Variants in USH2A observed in about 807,000 individuals in gnomAD.
USH2A encodes usherin.
USH2A carries 443 observed loss-of-function variants against 538.9 expected under a neutral mutation model. The ratio of observed to expected loss-of-function variants is 0.82; its 90% CI spans 0.76 to 0.89. The LOEUF is 0.89. Ranked by LOEUF, USH2A falls within the 40% of genes least tolerant of loss-of-function variation. The probability of loss-of-function intolerance (pLI) is 0.00; values close to 1 mark genes in which losing one functional copy is unlikely to be tolerated. For synonymous variants in USH2A, 2,413 were observed against 2,273.5 expected (o/e 1.06, Z -1.75); for missense variants, 6,633 against 6,324.8 (o/e 1.05, Z -1.65).
intron 47 of USH2A, among the ~76,000 whole-genome samples, chr1:215,836,909 C>T (rs1663549060): frequency 6.6e-6 from 1 of 151,672 alleles, no homozygotes; most frequent in Admixed American, 6.6e-5. Flanking sequence ...ATAAAGGTCT[C>T]TAACGCCCAT....
At chr1:216,058,001 G>A (rs1213092409) in intron 30 of USH2A, among the ~76,000 whole-genome samples, 1 of 152,184 alleles carries the variant, frequency 6.6e-6, no homozygotes. Flanking sequence ...ACCAGAGGTG[G>A]AGGAACAACT....
At chr1:216,401,547 A>G (rs2039304859) in intron 3 of USH2A, among the ~76,000 whole-genome samples, 1 of 152,118 alleles carries the variant, frequency 6.6e-6, no homozygotes, top group South Asian at 2.1e-4. Context: ...AAAATATGCT[A>G]TCTGTACAAC....
intron 32 of USH2A, among the ~76,000 whole-genome samples, chr1:216,026,210 C>T (rs1668960866): frequency 1.3e-5 from 2 of 152,264 alleles, no homozygotes; most frequent in Admixed American, 6.5e-5. Context: ...CAGTTTTCCT[C>T]TCATAGTAAA....
intron 41 of USH2A, among the ~76,000 whole-genome samples, chr1:215,884,055 C>A (rs2102456310): frequency 6.6e-6 from 1 of 152,126 alleles, no homozygotes; most frequent in East Asian, 1.9e-4. Flanking sequence ...ACATCACACA[C>A]TGGGGCCTGT....
chr1:216,379,031 C>A (rs1414336577), intron 3 of USH2A, among the ~76,000 whole-genome samples: 1 of 152,104 alleles, frequency 6.6e-6, no homozygotes, highest in African/African-American at 2.4e-5. Flanking sequence ...CATCCTAGTC[C>A]CATTCACCTG....
intron 37 of USH2A, among the ~76,000 whole-genome samples, chr1:215,964,033 A>T (rs1413895531): frequency 6.6e-6 from 1 of 152,150 alleles, no homozygotes; most frequent in Non-Finnish European, 1.5e-5. Flanking sequence ...GCTTTGCAAC[A>T]TTTAATACCG....
rs137890448 is a variant in USH2A at position 215,682,366 on chromosome 1, G to A, written c.12067-1990C>T. ...CAAAAACATATGTATATTGTCAATA[G>A]CTGCACCTGCTCAATTATAATTTAT... On this transcript the variant is annotated intron_variant, in intron 61 of 71. Transcript: ENST00000307340. 7.2e-5 allele frequency among the ~76,000 whole-genome samples: 11 copies of A among 152,166 alleles called. No homozygotes were observed. The East Asian group carries it at 2.1e-3, about 29-fold the overall frequency.
At chr1:215,964,202 A>T (rs1292990269) in intron 37 of USH2A, among the ~76,000 whole-genome samples, 1 of 152,100 alleles carries the variant, frequency 6.6e-6, no homozygotes, top group African/African-American at 2.4e-5. Flanking sequence ...CTGGGCTGTC[A>T]TGGGTCCGGC....
chr1:215,968,881 T>C (rs559769987), intron 36 of USH2A, among the ~76,000 whole-genome samples: 1 of 152,298 alleles, frequency 6.6e-6, no homozygotes, highest in African/African-American at 2.4e-5. Context: ...TTTTGTTGAG[T>C]ATCACATCAT....
At chr1:215,868,710 T>C (rs1664546472) in intron 43 of USH2A, among the ~76,000 whole-genome samples, 1 of 152,154 alleles carries the variant, frequency 6.6e-6, no homozygotes, top group East Asian at 1.9e-4. Context: ...CTGATGTCTT[T>C]GGAAGAAAAA....
intron 9 of USH2A, among the ~76,000 whole-genome samples, chr1:216,317,040 A>T (rs1004340318): frequency 5.3e-5 from 8 of 152,020 alleles, no homozygotes; most frequent in African/African-American, 1.9e-4. Flanking sequence ...TTGTCTGTTC[A>T]CTCTGACCAT....
At position 215,648,703 on chromosome 1, in the gene USH2A, T is replaced by TGA. The variant is rs1656944247; in HGVS notation, c.14406_14407insTC (p.Ile4803SerfsTer4). The TGA allele has an allele frequency of 6.2e-7, 1 of 1,613,980 alleles. No homozygotes were observed. The highest frequency in any genetic ancestry group is 8.5e-7 in the Non-Finnish European group (1 of 1,180,010). ...AAGCAGGTGCAGGCCTCTACTCCAA[T>TGA]AGAGTAGTTAGTGAAGGCTTGAAGG... On this transcript the variant is annotated frameshift_variant, in exon 66 of 72. Coordinates refer to ENST00000307340, the MANE Select transcript of USH2A (RefSeq NM_206933.4). LOFTEE classifies it high-confidence loss of function.
chr1:216,369,974 A>C (rs1486028544), intron 3 of USH2A, among the ~76,000 whole-genome samples: 1 of 150,728 alleles, frequency 6.6e-6, no homozygotes, highest in Non-Finnish European at 1.5e-5. Flanking sequence ...ATATTTATGC[A>C]TATTCATTCT....
chr1:215,807,281 CTT>C (rs1662531177), intron 49 of USH2A, among the ~76,000 whole-genome samples: 2 of 152,090 alleles, frequency 1.3e-5, no homozygotes, highest in South Asian at 4.1e-4. Flanking sequence ...CCATTTCAAA[CTT>C]TTGATATTTG....
chr1:215,966,704 A>G (rs1571853273), intron 36 of USH2A, among the ~76,000 whole-genome samples: 6 of 152,302 alleles, frequency 3.9e-5, no homozygotes, highest in Admixed American at 3.9e-4. Context: ...GGCCAGAAAA[A>G]TATCAATTCA....
intron 60 of USH2A, among the ~76,000 whole-genome samples, chr1:215,728,918 T>C (rs987550180): frequency 1.3e-5 from 2 of 152,300 alleles, no homozygotes; most frequent in Admixed American, 6.5e-5. Flanking sequence ...TTTGTACAAC[T>C]GGAACCACAG....
At chr1:216,179,473 A>G (rs1023615673) in intron 20 of USH2A, among the ~76,000 whole-genome samples, 1 of 152,164 alleles carries the variant, frequency 6.6e-6, no homozygotes, top group African/African-American at 2.4e-5. Flanking sequence ...CCTGAGAATG[A>G]ATAGAACTAG....
intron 3 of USH2A, among the ~76,000 whole-genome samples, chr1:216,404,907 C>G (rs185826174): frequency 6.6e-6 from 1 of 151,656 alleles, no homozygotes; most frequent in African/African-American, 2.4e-5. Flanking sequence ...TACAGACACA[C>G]AGCACCATGC....
chr1:216,038,429 G>T (rs2030096337), intron 32 of USH2A, among the ~76,000 whole-genome samples: 1 of 151,836 alleles, frequency 6.6e-6, no homozygotes, highest in Admixed American at 6.6e-5. Flanking sequence ...TTATTTTGGT[G>T]GAAAAAATTG....
Sources: gnomAD v4.1 joint callset for allele counts (sites outside exome capture counted in the v4.1 genomes callset) on GRCh38, gnomAD v4.1.1 for gene constraint, MANE v1.5 for transcripts, NCBI Gene and HGNC (gene_info 2026-07-23, HGNC 2026-07-21) for gene names.